The following THPO variants were observed in gnomAD, a reference collection of about 807,000 sequenced individuals.
THPO encodes the protein MPL ligand.
A neutral mutation model predicts 17.0 loss-of-function variants in THPO; 12 were observed. That is an observed-to-expected ratio of 0.71 (90% CI 0.45 to 1.14). The LOEUF is 1.14. Among genes scored for constraint, THPO ranks in the 50% most tolerant of loss-of-function variants. The pLI, the probability that THPO is intolerant of heterozygous loss-of-function variation, is 0.00. For missense variants in THPO, 365 were observed against 427.5 expected (o/e 0.85, Z 1.29); for synonymous variants, 188 against 183.0 (o/e 1.03, Z -0.22).
chr3:184,378,058 C>T lies in THPO; in HGVS notation c.-146+17G>A. ...CTTTCTACCCTCACATAACCCCACA[C>T]CCTGCTGGCCACTCACCGGGTGGAG... On this transcript the variant is annotated intron_variant, in intron 1 of 5. Transcript: ENST00000647395. 3 of 985,648 alleles carry T rather than the reference C, an allele frequency of 3.0e-6. No homozygotes were observed. Among genetic ancestry groups the T allele is most frequent in the Non-Finnish European group, 2.4e-6 (2 of 830,080 alleles). 61.1% of individuals were successfully genotyped at this position (985,648 alleles called of 1,614,324 possible). A position where few individuals can be genotyped will look rare whatever the true frequency, so the allele number is the denominator to read the frequency against.
rs34623301 is a variant in THPO at position 184,375,252 on chromosome 3, G to A, written c.228+263C>T. On this transcript the variant is annotated intron_variant, in intron 4 of 5. Coordinates refer to ENST00000647395, the MANE Select transcript of THPO (RefSeq NM_000460.4). ...TCATGCCAATTTAAGAAGACTGAACGGGAATAGGTCAAAGGCATGGCCATG... is the reference window on the plus strand; with the variant it reads ...TCATGCCAATTTAAGAAGACTGAACAGGAATAGGTCAAAGGCATGGCCATG... Among the ~76,000 whole-genome samples, 46,664 of 152,050 alleles carry A rather than the reference G, an allele frequency of 0.31. 8,252 individuals are homozygous for A. The highest frequency in any genetic ancestry group is 0.47 in the African/African-American group (19,457 of 41,442).
At position 184,373,101 on chromosome 3, in the gene THPO, T is replaced by C; in HGVS notation, c.474A>G (p.Gly158=). ...IFLSFQHLLR[G]KVRFLMLVGG... ...CTACAAGCATCAGGAAACGCACCTT[T>C]CCTCGGAGCAGGTGTTGGAAGCTCA... Residue 158 remains glycine (G), a synonymous_variant, in exon 6 of 6, where the codon GGA becomes GGG. Coordinates refer to ENST00000647395, the MANE Select transcript of THPO (RefSeq NM_000460.4). The C allele has an allele frequency of 6.2e-7, 1 of 1,613,920 alleles. No individual in the cohort carries two copies. Among genetic ancestry groups the C allele is most frequent in the South Asian group, 1.1e-5 (1 of 91,080 alleles).
Position 184,372,496 on chromosome 3 carries a change from G to C in THPO, c.*17C>G. 1 of 1,613,842 alleles carries C rather than the reference G, an allele frequency of 6.2e-7. No homozygotes were observed. Among genetic ancestry groups the C allele is most frequent in the African/African-American group, 1.3e-5 (1 of 75,016 alleles). ...CTGTACACGAGACAATGCTGATGTC[G>C]GCAGTGTCTGAGAACCTTACCCTTC... On this transcript the variant is annotated 3_prime_UTR_variant, in exon 6 of 6. Transcript: ENST00000647395.
chr3:184,376,397 A>T lies in THPO; in HGVS notation c.-138T>A, dbSNP rs1374787639. The T allele has an allele frequency of 6.3e-7, 1 of 1,593,854 alleles. No homozygotes were observed. Among genetic ancestry groups the T allele is most frequent in the Non-Finnish European group, 8.5e-7 (1 of 1,172,924 alleles). On this transcript the variant is annotated 5_prime_UTR_variant, in exon 2 of 6. Coordinates refer to ENST00000647395, the MANE Select transcript of THPO (RefSeq NM_000460.4). ...GGGCAAAGGCGGGCCAAGGGTGAAG[A>T]ATCTATCCTGAAAGTAGCAAGAAGA...
chr3:184,374,549 A>G (rs1039019568), intron 4 of THPO, among the ~76,000 whole-genome samples: 5 of 152,074 alleles, frequency 3.3e-5, no homozygotes, highest in African/African-American at 1.2e-4. Flanking sequence ...AGTGTAGTCC[A>G]CTCGGAATAG....
In THPO at chr3:184,372,573, A is replaced by G. The variant is rs1486790881; in HGVS notation, c.1002T>C (p.Pro334=). The change falls in exon 6 of 6, where the codon CCT becomes CCC. Residue 334 remains proline, a synonymous_variant. Coordinates refer to ENST00000647395, the MANE Select transcript of THPO (RefSeq NM_000460.4). ...AGGATGTGTTTAGAAGAGGGCTGGT[A>G]GGGGTGGGCGTTGGAGCAGAAGGGT... is the stretch of plus-strand genomic sequence containing the variant. ...LPDPSAPTPT[P]TSPLLNTSYT... 1 of 1,613,836 alleles carries G rather than the reference A, an allele frequency of 6.2e-7. No homozygotes were observed. Among genetic ancestry groups the G allele is most frequent in the Admixed American group, 1.7e-5 (1 of 59,986 alleles).
In THPO at chr3:184,373,540, G is replaced by GT; in HGVS notation, c.270_271insA (p.Leu91ThrfsTer236). On this transcript the variant is annotated frameshift_variant, in exon 5 of 6. Transcript: ENST00000647395. LOFTEE classifies it high-confidence loss of function. The stretch of plus-strand genomic sequence containing the variant: ...CGTGCTGCCATCACTCCCTCCAGCA[G>GT]AAGGGTCACTGCTCCCAGAATGTCC... 6.2e-7 allele frequency: 1 copy of GT among 1,614,178 alleles called. No homozygotes were observed.
intron 3 of THPO, 106 bp from the exon 4 acceptor site, chr3:184,375,707 T>C: frequency 2.0e-6 from 3 of 1,472,288 alleles, no homozygotes; most frequent in Non-Finnish European, 2.8e-6. Context: ...AGACGAGAGC[T>C]TTTAAATGCG....
rs774977577 is a variant in THPO at position 184,373,630 on chromosome 3, T to C, written c.229-48A>G. 18 of 1,603,870 alleles carry C rather than the reference T, an allele frequency of 1.1e-5. No homozygotes were observed. In the South Asian group the frequency reaches 2.0e-4, roughly 18 times the overall value. The stretch of plus-strand genomic sequence containing the variant: ...AAGCGCACTGCCTCAAAGGGCACAC[T>C]AAAAGCGGGTGGGGAGCCTTAGGAG... On this transcript the variant is annotated intron_variant, in intron 4 of 5. Transcript: ENST00000647395.
chr3:184,376,256 C>T lies in THPO; in HGVS notation c.4G>A (p.Glu2Lys). The T allele has an allele frequency of 1.9e-6, 3 of 1,614,178 alleles. No individual in the cohort carries two copies. The highest frequency in any genetic ancestry group is 2.5e-6 in the Non-Finnish European group (3 of 1,180,022). The stretch of plus-strand genomic sequence containing the variant: ...TCAGGTGTGTTCTCACCAGTCAGCT[C>T]CATTCTGGCCGGGGTGTCTGGCTGG... M[E>K]LTELLLVVML... Residue 2 changes from glutamate (E) to lysine (K), a missense_variant, in exon 2 of 6, where the codon GAG becomes AAG. By Grantham distance (56) the Glu-to-Lys change is moderately conservative. Coordinates refer to ENST00000647395, the MANE Select transcript of THPO (RefSeq NM_000460.4).
In THPO at chr3:184,373,413, A is replaced by C; in HGVS notation, c.396+2T>G. On this transcript the variant is annotated splice_donor_variant, in intron 5 of 5. Transcript: ENST00000647395. LOFTEE classifies it high-confidence loss of function. The stretch of plus-strand genomic sequence containing the variant: ...CTACAGATCCCTTGACTGGGGACTT[A>C]CCTGGGTTCCAAGGAGGCTCTGCAG... The C allele has an allele frequency of 6.2e-7, 1 of 1,613,962 alleles. No individual in the cohort carries two copies. The highest frequency in any genetic ancestry group is 8.5e-7 in the Non-Finnish European group (1 of 1,179,956).
chr3:184,373,633 A>G, intron 4 of THPO, 51 bp from the exon 5 acceptor site: 2 of 1,600,490 alleles, frequency 1.2e-6, no homozygotes, highest in Non-Finnish European at 1.7e-6. Context: ...GGCACACTAA[A>G]AGCGGGTGGG....
chr3:184,375,668 C>T (rs1714326705), intron 3 of THPO, 67 bp from the exon 4 acceptor site: 1 of 1,535,644 alleles, frequency 6.5e-7, no homozygotes, highest in Admixed American at 1.7e-5. Flanking sequence ...GCCTAATAAG[C>T]AGGCTAGTCC....
At chr3:184,375,859 A>C in intron 3 of THPO, 29 bp downstream of exon 3, 1 of 1,612,402 alleles carries the variant, frequency 6.2e-7, no homozygotes, top group Non-Finnish European at 8.5e-7. Flanking sequence ...AGTTACGCGG[A>C]TAAAGGGGAT....
Position 184,372,487 on chromosome 3 carries a change from G to A in THPO, c.*26C>T. ...GGAAGGGAGCTGTACACGAGACAATGCTGATGTCGGCAGTGTCTGAGAACC... is the reference window on the plus strand; with the variant it reads ...GGAAGGGAGCTGTACACGAGACAATACTGATGTCGGCAGTGTCTGAGAACC... On this transcript the variant is annotated 3_prime_UTR_variant, in exon 6 of 6. Coordinates refer to ENST00000647395, the MANE Select transcript of THPO (RefSeq NM_000460.4). 1 of 1,613,672 alleles carries A rather than the reference G, an allele frequency of 6.2e-7. No individual in the cohort carries two copies. The highest frequency in any genetic ancestry group is 8.5e-7 in the Non-Finnish European group (1 of 1,179,674).
Position 184,373,046 on chromosome 3 carries a change from G to C in THPO, c.529C>G (p.Pro177Ala), listed in dbSNP as rs1714063423. 6.2e-7 allele frequency: 1 copy of C among 1,614,092 alleles called. No individual in the cohort carries two copies. Among genetic ancestry groups the C allele is most frequent in the Non-Finnish European group, 8.5e-7 (1 of 1,180,022 alleles). ...GGSTLCVRRA[P>A]PTTAVPSRTS... Reference sequence around the variant, plus strand: ...CTGCTGGGGACAGCTGTGGTGGGTGGGGCCCGCCTGACGCAGAGGGTGGAC... The same window carrying C: ...CTGCTGGGGACAGCTGTGGTGGGTGCGGCCCGCCTGACGCAGAGGGTGGAC... The change falls in exon 6 of 6, where the codon CCA (proline) becomes GCA (alanine). Residue 177 changes from proline to alanine, a missense_variant. By Grantham distance (27) the Pro-to-Ala change is conservative. Transcript: ENST00000647395.
At chr3:184,377,298 G>A (rs1287392290) in intron 1 of THPO, among the ~76,000 whole-genome samples, 1 of 152,128 alleles carries the variant, frequency 6.6e-6, no homozygotes, top group Non-Finnish European at 1.5e-5. Flanking sequence ...CACACATAAA[G>A]CCACTGGAGC....
intron 4 of THPO, 70 bp from the exon 5 acceptor site, chr3:184,373,652 G>A: frequency 1.3e-6 from 2 of 1,541,674 alleles, no homozygotes; most frequent in Non-Finnish European, 1.8e-6. Context: ...GGGAGCCTTA[G>A]GAGTAGCCAG....
intron 1 of THPO, among the ~76,000 whole-genome samples, chr3:184,377,157 A>G (rs1393356455): frequency 1.3e-5 from 2 of 149,846 alleles, no homozygotes; most frequent in African/African-American, 2.4e-5. Context: ...CAATATGTTG[A>G]GGGGTAACTT....
Sources: gnomAD v4.1 joint callset for allele counts (sites outside exome capture counted in the v4.1 genomes callset) on GRCh38, gnomAD v4.1.1 for gene constraint, MANE v1.5 for transcripts, NCBI Gene and HGNC (gene_info 2026-07-23, HGNC 2026-07-21) for gene names.